AGBL4: variants seen among roughly 807,000 people sequenced by gnomAD.
The protein encoded by AGBL4 is AGBL carboxypeptidase 4, also known as cytosolic carboxypeptidase 6.
Under a neutral mutation model 66.4 loss-of-function variants are expected in AGBL4, and 58 were observed. The observed-to-expected ratio is 0.87, with a 90% confidence interval of 0.71 to 1.09. The LOEUF is 1.09. Ranked by LOEUF, AGBL4 falls within the 50% of genes least tolerant of loss-of-function variation. AGBL4 has a pLI of 0.00. For missense variants in AGBL4, 579 were observed against 631.0 expected (o/e 0.92, Z 0.88); for synonymous variants, 234 against 222.9 (o/e 1.05, Z -0.44).
At chr1:49,749,089 A>G (rs1651236901) in intron 2 of AGBL4, among the ~76,000 whole-genome samples, 2 of 152,124 alleles carry the variant, frequency 1.3e-5, no homozygotes, top group South Asian at 4.1e-4. Context: ...GCCCATGCCT[A>G]TGTCCTGAAT....
chr1:49,742,791 A>G (rs1387986687), intron 2 of AGBL4, among the ~76,000 whole-genome samples: 1 of 152,218 alleles, frequency 6.6e-6, no homozygotes, highest in Non-Finnish European at 1.5e-5. Flanking sequence ...GACAAAAACA[A>G]GAAATGGGGA....
intron 3 of AGBL4, among the ~76,000 whole-genome samples, chr1:49,338,472 C>T (rs1645478966): frequency 6.6e-6 from 1 of 152,148 alleles, no homozygotes; most frequent in Non-Finnish European, 1.5e-5. Flanking sequence ...ACACCTTTCA[C>T]TTACTTGTAT....
intron 5 of AGBL4, among the ~76,000 whole-genome samples, chr1:48,983,467 G>A (rs1013713814): frequency 2.6e-5 from 4 of 152,190 alleles, no homozygotes; most frequent in African/African-American, 9.7e-5. Context: ...TCCCACAAGG[G>A]ACATCTGGAC....
At chr1:48,837,709 CACTATATATATATATA>C (rs1558030104) in intron 6 of AGBL4, among the ~76,000 whole-genome samples, 3 of 75,058 alleles carry the variant, frequency 4.0e-5, no homozygotes, top group African/African-American at 1.6e-4. Flanking sequence ...CACACACACA[CACTATATATATATATA>C]TATATATATA....
intron 5 of AGBL4, among the ~76,000 whole-genome samples, chr1:48,972,928 T>A (rs1203691986): frequency 1.3e-5 from 2 of 152,182 alleles, no homozygotes; most frequent in African/African-American, 4.8e-5. Context: ...CCCTAAAATA[T>A]ACCTTTTGAT....
chr1:49,352,158 C>T (rs2148521553), intron 3 of AGBL4, among the ~76,000 whole-genome samples: 2 of 152,282 alleles, frequency 1.3e-5, no homozygotes, highest in South Asian at 4.1e-4. Context: ...TCAACATACT[C>T]ACAGAACACC....
chr1:48,560,148 A>T (rs1431717167), intron 11 of AGBL4, among the ~76,000 whole-genome samples: 1 of 152,170 alleles, frequency 6.6e-6, no homozygotes, highest in Non-Finnish European at 1.5e-5. Flanking sequence ...ATCTTGTGTT[A>T]TAAGATTTAC....
At chr1:49,097,465 A>G (rs1487049540) in intron 4 of AGBL4, among the ~76,000 whole-genome samples, 1 of 152,186 alleles carries the variant, frequency 6.6e-6, no homozygotes, top group African/African-American at 2.4e-5. Flanking sequence ...TTTGTCTAAT[A>G]TACTTAATTT....
intron 3 of AGBL4, among the ~76,000 whole-genome samples, chr1:49,322,708 C>G (rs1261621745): frequency 6.6e-6 from 1 of 152,212 alleles, no homozygotes; most frequent in African/African-American, 2.4e-5. Context: ...GAAGGAATCT[C>G]TCTTACAGCT....
At chr1:49,009,507 A>G (rs1007583880) in intron 5 of AGBL4, among the ~76,000 whole-genome samples, 1 of 151,964 alleles carries the variant, frequency 6.6e-6, no homozygotes, top group Non-Finnish European at 1.5e-5. Context: ...AAAAAGAGGG[A>G]ATCCTCCCTA....
At chr1:48,717,276 A>G (rs1647067066) in intron 6 of AGBL4, among the ~76,000 whole-genome samples, 2 of 152,336 alleles carry the variant, frequency 1.3e-5, no homozygotes, top group Admixed American at 1.3e-4. Context: ...CAAAGTTGGC[A>G]TGTGTCCTTC....
intron 3 of AGBL4, among the ~76,000 whole-genome samples, chr1:49,417,257 C>G (rs1404228424): frequency 2.0e-5 from 3 of 151,910 alleles, no homozygotes; most frequent in East Asian, 3.9e-4. Context: ...GGAGGTTAAT[C>G]AAGCAGTTCA....
chr1:48,933,943 T>C (rs2148906193), intron 5 of AGBL4, among the ~76,000 whole-genome samples: 2 of 152,340 alleles, frequency 1.3e-5, no homozygotes, highest in South Asian at 4.1e-4. Context: ...TGGTTCCCCT[T>C]GCTGCTTTCT....
At chr1:48,552,368 A>AT (rs1174445980) in intron 11 of AGBL4, among the ~76,000 whole-genome samples, 1 of 152,146 alleles carries the variant, frequency 6.6e-6, no homozygotes, top group Non-Finnish European at 1.5e-5. Context: ...AGCCTCATTC[A>AT]TTATTTATTA....
At chr1:48,960,381 T>C (rs935350456) in intron 5 of AGBL4, among the ~76,000 whole-genome samples, 4 of 152,146 alleles carry the variant, frequency 2.6e-5, no homozygotes, top group Admixed American at 2.6e-4. Context: ...AGCCAAGATA[T>C]TGAGTTAACA....
intron 3 of AGBL4, among the ~76,000 whole-genome samples, chr1:49,515,893 TG>T (rs1277537420): frequency 1.9e-5 from 1 of 53,082 alleles, no homozygotes; most frequent in African/African-American, 7.8e-5. Context: ...TGTTGTGGGG[TG>T]GGGGGAGGGG....
chr1:48,710,027 A>T (rs1263634753), intron 6 of AGBL4, among the ~76,000 whole-genome samples: 1 of 152,228 alleles, frequency 6.6e-6, no homozygotes, highest in Non-Finnish European at 1.5e-5. Flanking sequence ...CAGAGAGATT[A>T]AATAATGTTG....
intron 3 of AGBL4, among the ~76,000 whole-genome samples, chr1:49,400,087 T>G (rs1341813139): frequency 1.3e-5 from 2 of 152,162 alleles, no homozygotes; most frequent in Non-Finnish European, 2.9e-5. Flanking sequence ...CTAGTTTCAT[T>G]CTTCTGCATA....
intron 6 of AGBL4, among the ~76,000 whole-genome samples, chr1:48,777,745 C>T (rs148037398): frequency 5.9e-5 from 9 of 152,310 alleles, no homozygotes; most frequent in Non-Finnish European, 1.2e-4. Flanking sequence ...ACCCTCTCCA[C>T]AGCACGCCCA....
Sources: gnomAD v4.1 joint callset for allele counts (sites outside exome capture counted in the v4.1 genomes callset) on GRCh38, gnomAD v4.1.1 for gene constraint, MANE v1.5 for transcripts, NCBI Gene and HGNC (gene_info 2026-07-23, HGNC 2026-07-21) for gene names.